HS3ST4: variants seen among roughly 807,000 people sequenced by gnomAD.
HS3ST4 encodes the protein heparan sulfate glucosamine 3-O-sulfotransferase 4.
In HS3ST4, 17 loss-of-function variants were observed where a neutral mutation model predicts 29.2. The observed-to-expected ratio is 0.58, with a 90% CI of 0.40 to 0.87. HS3ST4 has a LOEUF of 0.87. HS3ST4 is among the 40% of genes least tolerant of loss of function. HS3ST4 has a pLI of 0.00. For missense variants in HS3ST4, 627 were observed against 634.5 expected (o/e 0.99, Z 0.13); for synonymous variants, 314 against 285.7 (o/e 1.10, Z -1.00).
In HS3ST4 at chr16:26,064,610, CTT is replaced by C. The variant is rs869047078; in HGVS notation, c.735-70979_735-70978del. ...CAGAGACAGCAGCTAGGATTGTAGT[CTT>C]TTTTTTTTTTTTTTTTTTTTTTGAG... On this transcript the variant is annotated intron_variant, in intron 1 of 1. Coordinates refer to ENST00000331351, the MANE Select transcript of HS3ST4 (RefSeq NM_006040.3). 4.0e-3 allele frequency among the ~76,000 whole-genome samples: 352 copies of C among 88,974 alleles called. 1 individual carries two copies. Among genetic ancestry groups the C allele is most frequent in the East Asian group, 8.0e-3 (22 of 2,744 alleles). 58.4% of individuals were successfully genotyped at this position (88,974 alleles called of 152,430 possible).
At chr16:25,889,634 T>C (rs953143770) in intron 1 of HS3ST4, among the ~76,000 whole-genome samples, 10 of 152,194 alleles carry the variant, frequency 6.6e-5, no homozygotes, top group African/African-American at 2.4e-4. Flanking sequence ...CTTATGTCTG[T>C]TTAGCAAGGA....
chr16:25,807,862 T>C (rs942874460), intron 1 of HS3ST4, among the ~76,000 whole-genome samples: 2 of 152,196 alleles, frequency 1.3e-5, no homozygotes, highest in African/African-American at 4.8e-5. Context: ...TAGTGGTATC[T>C]CATTGTGATT....
rs1489374322 is a variant in HS3ST4 at position 25,801,936 on chromosome 16, GC to G, written c.734+108786del. On this transcript the variant is annotated intron_variant, in intron 1 of 1. Transcript: ENST00000331351. Reference sequence around the variant, plus strand: ...GATTTTATACTTAAATAAATGTTTTGCAATCTGATCGTGTTCATTTATTCAC... The same window carrying G: ...GATTTTATACTTAAATAAATGTTTTGAATCTGATCGTGTTCATTTATTCAC... 5.4e-5 allele frequency among the ~76,000 whole-genome samples: 8 copies of G among 148,800 alleles called. No homozygotes were observed. In the East Asian group the frequency reaches 1.6e-3, roughly 29 times the overall value.
chr16:26,075,091 G>A (rs1446734503), intron 1 of HS3ST4, among the ~76,000 whole-genome samples: 7 of 152,202 alleles, frequency 4.6e-5, no homozygotes, highest in Non-Finnish European at 8.8e-5. Flanking sequence ...TACGCAGGAG[G>A]CTGAGGCAGG....
rs60986003 is a variant in HS3ST4, at chr16:26,086,048, T to C, written c.735-49564T>C. On this transcript the variant is annotated intron_variant, in intron 1 of 1. Coordinates refer to ENST00000331351, the MANE Select transcript of HS3ST4 (RefSeq NM_006040.3). ...TCATCTGTAAAATGCAGTAATGGGATGTACTGTCATGAGCATTGAATGCAA... is the reference window on the plus strand; with the variant it reads ...TCATCTGTAAAATGCAGTAATGGGACGTACTGTCATGAGCATTGAATGCAA... Among the ~76,000 whole-genome samples, 328 of 152,192 alleles carry C rather than the reference T, an allele frequency of 2.2e-3. 2 individuals are homozygous for C. The highest frequency in any genetic ancestry group is 7.5e-3 in the African/African-American group (311 of 41,540).
chr16:25,870,179 T>A (rs1325566320), intron 1 of HS3ST4, among the ~76,000 whole-genome samples: 6 of 151,970 alleles, frequency 3.9e-5, no homozygotes, highest in African/African-American at 1.5e-4. Context: ...CATCCATCCA[T>A]CCACCCATCC....
At position 26,137,591 on chromosome 16, in the gene HS3ST4, T is replaced by C. The variant is rs182797629; in HGVS notation, c.*1343T>C. On this transcript the variant is annotated 3_prime_UTR_variant, in exon 2 of 2. Transcript: ENST00000331351. ...GTTCTAGTAAAACTGGAAATTTGTA[T>C]GAGTGGGGGGAGTTAAATCTGTTCA... 1.3e-5 allele frequency: 2 copies of C among 152,326 alleles called. No individual in the cohort carries two copies. Among genetic ancestry groups the C allele is most frequent in the African/African-American group, 2.4e-5 (1 of 41,582 alleles). 9.4% of individuals were successfully genotyped at this position (152,326 alleles called of 1,614,324 possible). A position where few individuals can be genotyped will look rare whatever the true frequency, so the allele number is the denominator to read the frequency against.
At chr16:26,110,048 C>G (rs939182331) in intron 1 of HS3ST4, among the ~76,000 whole-genome samples, 2 of 152,162 alleles carry the variant, frequency 1.3e-5, no homozygotes, top group African/African-American at 4.8e-5. Context: ...CTGTTTCCCA[C>G]TATCCTTCAC....
chr16:25,868,384 T>TC (rs1315999486), intron 1 of HS3ST4, among the ~76,000 whole-genome samples: 1 of 151,952 alleles, frequency 6.6e-6, no homozygotes, highest in Non-Finnish European at 1.5e-5. Context: ...TTCTCTCTCT[T>TC]CCCCCTTCCC....
chr16:25,973,014 G>A (rs1214171584), intron 1 of HS3ST4, among the ~76,000 whole-genome samples: 2 of 152,136 alleles, frequency 1.3e-5, no homozygotes, highest in Non-Finnish European at 2.9e-5. Flanking sequence ...GGGATTATTA[G>A]AGGAATGACT....
chr16:26,014,393 A>G (rs1384575925), intron 1 of HS3ST4, among the ~76,000 whole-genome samples: 3 of 152,320 alleles, frequency 2.0e-5, no homozygotes, highest in African/African-American at 7.2e-5. Flanking sequence ...TTTGTTATAT[A>G]GGTAAATTGA....
At chr16:26,011,684 G>A (rs1231792390) in intron 1 of HS3ST4, among the ~76,000 whole-genome samples, 2 of 95,986 alleles carry the variant, frequency 2.1e-5, no homozygotes, top group African/African-American at 1.4e-4. Flanking sequence ...GTTTGTGTGT[G>A]TGTGTGTGTG....
At chr16:25,752,256 G>A (rs569151916) in intron 1 of HS3ST4, among the ~76,000 whole-genome samples, 2 of 152,192 alleles carry the variant, frequency 1.3e-5, no homozygotes, top group South Asian at 4.1e-4. Context: ...ACAACAGCAA[G>A]TGGCCAACTG....
chr16:25,857,948 CTT>C (rs774843830), intron 1 of HS3ST4, among the ~76,000 whole-genome samples: 2,040 of 57,132 alleles, frequency 0.036, 71 homozygotes, highest in African/African-American at 0.14. Context: ...TTCTTTCTTT[CTT>C]TCTTTCTTTC....
At chr16:25,842,959 A>G (rs1967431236) in intron 1 of HS3ST4, among the ~76,000 whole-genome samples, 1 of 152,238 alleles carries the variant, frequency 6.6e-6, no homozygotes, top group South Asian at 2.1e-4. Context: ...TATGAGCAAT[A>G]CAACCAATAA....
intron 1 of HS3ST4, among the ~76,000 whole-genome samples, chr16:25,700,789 C>T (rs1409738970): frequency 6.6e-6 from 1 of 152,196 alleles, no homozygotes; most frequent in Admixed American, 6.5e-5. Context: ...GGGAGCTTTT[C>T]AGCCCATCTT....
chr16:26,074,464 A>G (rs1313168194), intron 1 of HS3ST4, among the ~76,000 whole-genome samples: 1 of 152,192 alleles, frequency 6.6e-6, no homozygotes, highest in Admixed American at 6.5e-5. Flanking sequence ...GGCCAATGCC[A>G]CTTCCATCTA....
intron 1 of HS3ST4, among the ~76,000 whole-genome samples, chr16:26,107,047 C>A (rs566487184): frequency 3.9e-5 from 6 of 151,996 alleles, no homozygotes; most frequent in Non-Finnish European, 8.8e-5. Context: ...TTTTCCAACT[C>A]TCTGAGGGGT....
chr16:26,044,670 G>T (rs1346012989), intron 1 of HS3ST4, among the ~76,000 whole-genome samples: 1 of 152,108 alleles, frequency 6.6e-6, no homozygotes, highest in Non-Finnish European at 1.5e-5. Context: ...GCAAGCTAGG[G>T]ATACATATCC....
Sources: gnomAD v4.1 joint callset for allele counts (sites outside exome capture counted in the v4.1 genomes callset) on GRCh38, gnomAD v4.1.1 for gene constraint, MANE v1.5 for transcripts, NCBI Gene and HGNC (gene_info 2026-07-23, HGNC 2026-07-21) for gene names.